The following STON2 variants were observed in gnomAD, a reference collection of about 807,000 sequenced individuals.
The protein encoded by STON2 is stonin 2.
A neutral mutation model predicts 65.7 loss-of-function variants in STON2; 29 were observed. The observed-to-expected ratio is 0.44, with a 90% CI of 0.33 to 0.60. The LOEUF is 0.60. Among genes scored for constraint, STON2 ranks in the 20% least tolerant of loss-of-function variants. The pLI, the probability that STON2 is intolerant of heterozygous loss-of-function variation, is 0.03. For missense variants in STON2, 1,054 were observed against 1,118.1 expected (o/e 0.94, Z 0.82); for synonymous variants, 404 against 414.2 (o/e 0.98, Z 0.30).
intron 5 of STON2, among the ~76,000 whole-genome samples, chr14:81,309,653 T>C (rs1471230340): frequency 6.6e-6 from 1 of 152,206 alleles, no homozygotes; most frequent in Non-Finnish European, 1.5e-5. Flanking sequence ...AGGAATCTTA[T>C]TTTGTTTTGA....
chr14:81,360,454 A>T (rs1410641922), intron 4 of STON2, among the ~76,000 whole-genome samples: 1 of 152,200 alleles, frequency 6.6e-6, no homozygotes, highest in Non-Finnish European at 1.5e-5. Context: ...TACAGCAAAA[A>T]CATTTGACAA....
intron 4 of STON2, chr14:81,333,253 A>G: frequency 1.3e-6 from 1 of 761,718 alleles, no homozygotes; most frequent in Non-Finnish European, 2.3e-6. Context: ...TGTCTTAGGT[A>G]CGGTACTGTT....
chr14:81,280,701 G>GAA (rs1241931607), intron 5 of STON2, among the ~76,000 whole-genome samples: 1 of 152,128 alleles, frequency 6.6e-6, no homozygotes. Context: ...TCTCTCAAAT[G>GAA]AAAACGTAAG....
At chr14:81,377,019 GGTGT>G (rs759520547) in intron 3 of STON2, among the ~76,000 whole-genome samples, 1 of 152,012 alleles carries the variant, frequency 6.6e-6, no homozygotes, top group Non-Finnish European at 1.5e-5. Flanking sequence ...TGTACGTGGG[GGTGT>G]GTGTGTATCT....
intron 4 of STON2, among the ~76,000 whole-genome samples, chr14:81,329,666 G>C (rs971919515): frequency 1.3e-5 from 2 of 152,096 alleles, no homozygotes; most frequent in Non-Finnish European, 2.9e-5. Flanking sequence ...CCCAGTTTGC[G>C]GTAATTTGTG....
chr14:81,304,556 C>T lies in STON2; in HGVS notation c.742+19461G>A, dbSNP rs1896098895. Reference sequence around the variant, plus strand: ...TGGCCAACATGGTGAAACCCTGTCTCCACAAAAAATATCAAAAATTAGCTG... The same window carrying T: ...TGGCCAACATGGTGAAACCCTGTCTTCACAAAAAATATCAAAAATTAGCTG... On this transcript the variant is annotated intron_variant, in intron 5 of 7. Transcript: ENST00000614646. 2.6e-5 allele frequency among the ~76,000 whole-genome samples: 4 copies of T among 152,076 alleles called. No individual in the cohort carries two copies. In the South Asian group the frequency reaches 6.2e-4, roughly 24 times the overall value.
chr14:81,364,531 T>C (rs1381525429), intron 4 of STON2, among the ~76,000 whole-genome samples: 1 of 152,098 alleles, frequency 6.6e-6, no homozygotes. Flanking sequence ...TTATGTATGT[T>C]TGGGTTTCTG....
chr14:81,419,894 C>T (rs1901619963), intron 2 of STON2, among the ~76,000 whole-genome samples: 1 of 151,946 alleles, frequency 6.6e-6, no homozygotes, highest in Admixed American at 6.5e-5. Context: ...GCCATGGCTT[C>T]ACAAGAATCG....
At chr14:81,298,910 T>A (rs1346688822) in intron 5 of STON2, among the ~76,000 whole-genome samples, 1 of 152,198 alleles carries the variant, frequency 6.6e-6, no homozygotes, top group African/African-American at 2.4e-5. Context: ...TAAAACTTTT[T>A]AAAACACAAT....
chr14:81,427,115 A>G (rs1902015476), exon 2 of STON2: 2 of 152,210 alleles, frequency 1.3e-5, no homozygotes, highest in African/African-American at 4.8e-5. Flanking sequence ...AAACCGCACA[A>G]TTCAAACCCA....
Position 81,410,278 on chromosome 14 carries a change from C to CAAA in STON2, c.-198-11701_-198-11699dup, listed in dbSNP as rs1161157573. Among the ~76,000 whole-genome samples the CAAA allele has an allele frequency of 5.2e-3, 237 of 45,796 alleles. 25 individuals are homozygous for CAAA. The highest frequency in any genetic ancestry group is 0.019 in the Middle Eastern group (1 of 54). 30.0% of individuals were successfully genotyped at this position (45,796 alleles called of 152,430 possible). A position where few individuals can be genotyped will look rare whatever the true frequency, so the allele number is the denominator to read the frequency against. ...GCATGCAGATGAATGTAACTCTAAC[C>CAAA]AAAAAAAAAAAAAAAAAAAAAAAAA... is the stretch of plus-strand genomic sequence containing the variant. On this transcript the variant is annotated intron_variant, in intron 2 of 8. Coordinates refer to the STON2 transcript ENST00000553821.
chr14:81,324,268 G>A (rs1270466932), intron 4 of STON2, among the ~76,000 whole-genome samples, 81 bp from the exon 5 acceptor site: 3 of 152,250 alleles, frequency 2.0e-5, no homozygotes, highest in African/African-American at 4.8e-5. Flanking sequence ...CACCCAGGAG[G>A]AGGGAGAGGC....
chr14:81,415,553 C>T (rs572028116), intron 2 of STON2, among the ~76,000 whole-genome samples: 1 of 151,446 alleles, frequency 6.6e-6, no homozygotes, highest in South Asian at 2.1e-4. Flanking sequence ...ACCTGTAGTC[C>T]CAGCTACTCG....
intron 1 of STON2, among the ~76,000 whole-genome samples, chr14:81,435,619 C>T (rs1746013912): frequency 6.6e-6 from 1 of 152,154 alleles, no homozygotes; most frequent in South Asian, 2.1e-4. Flanking sequence ...GATTCACTCA[C>T]AGCCCTCAGG....
chr14:81,389,255 T>C (rs1248994470), intron 3 of STON2, among the ~76,000 whole-genome samples: 2 of 152,248 alleles, frequency 1.3e-5, no homozygotes, highest in Non-Finnish European at 2.9e-5. Context: ...TAGTTTCCAC[T>C]GTTCCTTTTT....
intron 5 of STON2, among the ~76,000 whole-genome samples, chr14:81,299,621 T>A (rs1047160427): frequency 2.0e-5 from 3 of 152,220 alleles, no homozygotes; most frequent in Non-Finnish European, 4.4e-5. Context: ...ATTGTAAAAC[T>A]GAATACAGCA....
chr14:81,408,440 T>C (rs906860793), intron 2 of STON2, among the ~76,000 whole-genome samples: 3 of 152,312 alleles, frequency 2.0e-5, no homozygotes, highest in South Asian at 2.1e-4. Flanking sequence ...TTAGCATCTA[T>C]CTATGATTCT....
At chr14:81,334,988 C>T (rs1897320006) in intron 4 of STON2, among the ~76,000 whole-genome samples, 1 of 150,454 alleles carries the variant, frequency 6.6e-6, no homozygotes, top group Non-Finnish European at 1.5e-5. Context: ...CAGCCACACA[C>T]CACCACGCCT....
intron 4 of STON2, among the ~76,000 whole-genome samples, chr14:81,359,992 G>C (rs184429919): frequency 1.1e-4 from 16 of 152,338 alleles, no homozygotes; most frequent in Admixed American, 1.0e-3. Flanking sequence ...ATAAGGGGCT[G>C]AGGGCAGAGG....
Sources: allele counts gnomAD v4.1 joint callset (sites outside exome capture counted in the v4.1 genomes callset), GRCh38; gene constraint gnomAD v4.1.1; transcripts MANE v1.5; gene names NCBI Gene and HGNC (gene_info 2026-07-23, HGNC 2026-07-21).